The following SLCO4C1 variants were observed in gnomAD, a reference collection of about 807,000 sequenced individuals.
The protein encoded by SLCO4C1 is solute carrier organic anion transporter family member 4C1, also known as organic anion transporter M1.
SLCO4C1 carries 58 observed loss-of-function variants against 72.1 expected under a neutral mutation model. The observed-to-expected ratio is 0.80, with a 90% CI of 0.65 to 1.00. The LOEUF (loss-of-function observed/expected upper bound fraction) is 1.00. SLCO4C1 is among the 50% of genes least tolerant of loss of function. The pLI is 0.00. For missense variants in SLCO4C1, 898 were observed against 857.9 expected (o/e 1.05, Z -0.58); for synonymous variants, 297 against 312.5 (o/e 0.95, Z 0.52).
At chr5:102,258,371 T>C (rs1748877509) in intron 6 of SLCO4C1, among the ~76,000 whole-genome samples, 1 of 152,174 alleles carries the variant, frequency 6.6e-6, no homozygotes, top group Non-Finnish European at 1.5e-5. Context: ...AAAAGCCTTC[T>C]TGGAAAAGTT....
In SLCO4C1 at chr5:102,258,092, AG is replaced by A. The variant is rs953285287; in HGVS notation, c.1129-6del. 6.5e-7 allele frequency: 1 copy of A among 1,538,738 alleles called. No homozygotes were observed. The highest frequency in any genetic ancestry group is 8.7e-7 in the Non-Finnish European group (1 of 1,149,518). On this transcript the variant is annotated splice_polypyrimidine_tract_variant and splice_region_variant and intron_variant, in intron 6 of 12. Coordinates refer to ENST00000310954, the MANE Select transcript of SLCO4C1 (RefSeq NM_180991.5). ...GACAGCATTCTTCATCAAATTCTAA[AG>A]AAAAAAATACAGTTCCTCAAATGAA...
chr5:102,245,368 T>C (rs1306993066), intron 10 of SLCO4C1, among the ~76,000 whole-genome samples: 1 of 151,888 alleles, frequency 6.6e-6, no homozygotes, highest in Non-Finnish European at 1.5e-5. Context: ...TCCATGCCAA[T>C]GGAAACTGAA....
intron 2 of SLCO4C1, among the ~76,000 whole-genome samples, chr5:102,282,719 G>C (rs1265966487): frequency 6.6e-6 from 1 of 151,946 alleles, no homozygotes; most frequent in Non-Finnish European, 1.5e-5. Flanking sequence ...AAAGATGTGT[G>C]AATGTTAATA....
At chr5:102,241,960 A>G (rs1748548453) in intron 10 of SLCO4C1, among the ~76,000 whole-genome samples, 1 of 152,178 alleles carries the variant, frequency 6.6e-6, no homozygotes, top group African/African-American at 2.4e-5. Flanking sequence ...TTAAAAAAAA[A>G]CAGTCCTGAA....
chr5:102,269,019 A>C (rs112496082), intron 3 of SLCO4C1, among the ~76,000 whole-genome samples: 7 of 152,104 alleles, frequency 4.6e-5, no homozygotes, highest in African/African-American at 1.7e-4. Flanking sequence ...CTGACCTGTA[A>C]GGTTTCTGCT....
chr5:102,244,401 C>T (rs898417878), intron 10 of SLCO4C1, among the ~76,000 whole-genome samples: 1 of 151,862 alleles, frequency 6.6e-6, no homozygotes, highest in Non-Finnish European at 1.5e-5. Context: ...TAGAAAATAG[C>T]CTCAAAACGG....
intron 11 of SLCO4C1, 126 bp downstream of exon 11, chr5:102,240,592 C>A: frequency 1.4e-6 from 1 of 704,406 alleles, no homozygotes; most frequent in Non-Finnish European, 2.4e-6. Context: ...AAATGGCTTC[C>A]TTCAACAAGA....
At chr5:102,239,673 CT>C (rs1472951520) in intron 11 of SLCO4C1, among the ~76,000 whole-genome samples, 1 of 151,878 alleles carries the variant, frequency 6.6e-6, no homozygotes, top group Non-Finnish European at 1.5e-5. Context: ...CACCACTTTT[CT>C]AATATAATGA....
chr5:102,264,253 A>C (rs937817615), intron 3 of SLCO4C1, among the ~76,000 whole-genome samples: 1 of 152,112 alleles, frequency 6.6e-6, no homozygotes, highest in Non-Finnish European at 1.5e-5. Context: ...GTAAGCCATT[A>C]GATTTCTTGC....
At chr5:102,286,945 C>T (rs970301995) in intron 2 of SLCO4C1, among the ~76,000 whole-genome samples, 1 of 151,920 alleles carries the variant, frequency 6.6e-6, no homozygotes, top group African/African-American at 2.4e-5. Context: ...CTTTAGTTTC[C>T]TCTTACAGAG....
chr5:102,267,022 G>A (rs559075322), intron 3 of SLCO4C1, among the ~76,000 whole-genome samples: 2 of 152,090 alleles, frequency 1.3e-5, no homozygotes, highest in South Asian at 2.1e-4. Flanking sequence ...CATTGAATTT[G>A]GCTAGCTATA....
In SLCO4C1 at chr5:102,296,212, TG is replaced by T; in HGVS notation, c.50del (p.Pro17GlnfsTer105). The T allele has an allele frequency of 6.3e-7, 1 of 1,590,516 alleles. No individual in the cohort carries two copies. The highest frequency in any genetic ancestry group is 1.1e-5 in the South Asian group (1 of 88,314). On this transcript the variant is annotated frameshift_variant, in exon 1 of 13. Transcript: ENST00000310954. LOFTEE classifies it high-confidence loss of function. ...IENLAFVPSS[P>X]DILRRLSASP... The stretch of plus-strand genomic sequence containing the variant: ...ACGCAGACAAGCGGCGCAGGATGTC[TG>T]GGCTGGAGGGGACAAAAGCCAAGTT...
chr5:102,285,399 C>T (rs966075996), intron 2 of SLCO4C1, among the ~76,000 whole-genome samples: 5 of 151,842 alleles, frequency 3.3e-5, no homozygotes, highest in East Asian at 1.9e-4. Flanking sequence ...ATTCTCCTGC[C>T]TCAGCCTCCC....
intron 2 of SLCO4C1, among the ~76,000 whole-genome samples, chr5:102,271,813 T>C (rs1749157511): frequency 6.6e-6 from 1 of 152,118 alleles, no homozygotes; most frequent in East Asian, 1.9e-4. Flanking sequence ...TTTACTACTT[T>C]ATTTAGATAT....
chr5:102,270,507 T>G (rs1749130054), intron 3 of SLCO4C1, 117 bp downstream of exon 3: 1 of 715,802 alleles, frequency 1.4e-6, no homozygotes, highest in African/African-American at 1.8e-5. Flanking sequence ...ATTTATTTAT[T>G]GGGAAAACCT....
chr5:102,267,647 C>CCCT (rs1453141001), intron 3 of SLCO4C1, among the ~76,000 whole-genome samples: 3 of 54,964 alleles, frequency 5.5e-5, no homozygotes, highest in African/African-American at 2.3e-4. Flanking sequence ...TTATTTCTTT[C>CCCT]CTTCTAATTT....
chr5:102,275,491 T>TC (rs1407086882), intron 2 of SLCO4C1, among the ~76,000 whole-genome samples: 1 of 152,126 alleles, frequency 6.6e-6, no homozygotes, highest in Non-Finnish European at 1.5e-5. Context: ...TCTCTATAGG[T>TC]CACCCTGCAT....
At position 102,296,079 on chromosome 5, in the gene SLCO4C1, A is replaced by G; in HGVS notation, c.184T>C (p.Ser62Pro). 1 of 1,614,146 alleles carries G rather than the reference A, an allele frequency of 6.2e-7. No homozygotes were observed. ...ACATTGGGAGGGGCTGAAGGCAGAG[A>G]TGGCTCTGGTGACTTCTGGGGCTCC... ...PQEPQKSPEP[S>P]LPSAPPNVSE... is the part of the protein sequence containing the mutation. The change falls in exon 1 of 13, where the codon TCT becomes CCT. Residue 62 changes from serine to proline, a missense_variant. By Grantham distance (74) the Ser-to-Pro change is moderately conservative (BLOSUM62 -1). Transcript: ENST00000310954.
At chr5:102,288,004 GA>G (rs1015628123) in intron 2 of SLCO4C1, among the ~76,000 whole-genome samples, 2 of 151,806 alleles carry the variant, frequency 1.3e-5, no homozygotes, top group East Asian at 1.9e-4. Context: ...AATCACAGGG[GA>G]AAAAAATGCA....
Sources: gnomAD v4.1 joint callset for allele counts (sites outside exome capture counted in the v4.1 genomes callset) on GRCh38, gnomAD v4.1.1 for gene constraint, MANE v1.5 for transcripts, NCBI Gene and HGNC (gene_info 2026-07-23, HGNC 2026-07-21) for gene names.